Variants in BACH2 observed in about 807,000 individuals in gnomAD.
BACH2 encodes BACH transcriptional regulator 2.
A neutral mutation model predicts 61.8 loss-of-function variants in BACH2; 5 were observed. The ratio of observed to expected loss-of-function variants is 0.08; its 90% CI spans 0.04 to 0.17. The LOEUF is 0.17. BACH2 is among the 10% of genes least tolerant of loss of function. The probability of loss-of-function intolerance (pLI) is 1.00; values close to 1 mark genes in which losing one functional copy is unlikely to be tolerated. For synonymous variants in BACH2, 446 were observed against 440.1 expected, an observed-to-expected ratio of 1.01 and a Z score of -0.17; for missense variants, 824 against 1,091.1, an observed-to-expected ratio of 0.76 and a Z score of 3.45.
At chr6:90,229,240 C>T (rs1562516576) in intron 3 of BACH2, among the ~76,000 whole-genome samples, 1 of 152,224 alleles carries the variant, frequency 6.6e-6, no homozygotes, top group South Asian at 2.1e-4. Flanking sequence ...AGGCGGATGA[C>T]CTGAGGTCGG....
At chr6:90,164,629 A>T (rs1767541665) in intron 4 of BACH2, among the ~76,000 whole-genome samples, 1 of 152,212 alleles carries the variant, frequency 6.6e-6, no homozygotes, top group African/African-American at 2.4e-5. Context: ...ATTTTAGACC[A>T]ATATCCTTGA....
chr6:90,288,073 T>G (rs1209674860), intron 1 of BACH2, among the ~76,000 whole-genome samples: 1 of 152,192 alleles, frequency 6.6e-6, no homozygotes, highest in Non-Finnish European at 1.5e-5. Flanking sequence ...AGAAAATGTA[T>G]GAAAAGGAAG....
At chr6:90,049,406 C>T (rs1779932325) in intron 5 of BACH2, among the ~76,000 whole-genome samples, 2 of 152,148 alleles carry the variant, frequency 1.3e-5, no homozygotes, top group African/African-American at 4.8e-5. Flanking sequence ...ACTGAGATCT[C>T]AATGACGCGA....
rs1003204059 is a variant in BACH2, at chr6:89,932,337, A to C, written c.*71T>G. On this transcript the variant is annotated 3_prime_UTR_variant, in exon 9 of 9. Coordinates refer to ENST00000257749, the MANE Select transcript of BACH2 (RefSeq NM_021813.4). ...TCGGTTTCTTCGGGACAGCAGATGA[A>C]CAGTGCCACAGGCTGACTGAAGAAC... 1.3e-5 allele frequency: 20 copies of C among 1,553,320 alleles called. No individual in the cohort carries two copies. The highest frequency in any genetic ancestry group is 1.7e-5 in the Non-Finnish European group (19 of 1,143,768).
intron 4 of BACH2, among the ~76,000 whole-genome samples, chr6:90,183,296 A>G (rs772998592): frequency 7.9e-5 from 12 of 152,242 alleles, no homozygotes; most frequent in Non-Finnish European, 1.6e-4. Context: ...CAGATTTATC[A>G]TTATGTTTAC....
rs770893229 is a variant in BACH2 at position 90,241,368 on chromosome 6, T to A, written c.-275+11145A>T. On this transcript the variant is annotated intron_variant, in intron 3 of 8. Transcript: ENST00000257749. Reference sequence around the variant, plus strand: ...ACTGGGACCAAATCCTCCAAATGGCTCCCCCTCCCACCTACTCAACAGGGG... The same window carrying A: ...ACTGGGACCAAATCCTCCAAATGGCACCCCCTCCCACCTACTCAACAGGGG... Among the ~76,000 whole-genome samples, 31 of 151,720 alleles carry A rather than the reference T, an allele frequency of 2.0e-4. 1 individual carries two copies. The highest frequency in any genetic ancestry group is 3.5e-4 in the Non-Finnish European group (24 of 67,934).
At chr6:90,296,199 A>T (rs1772373981) in intron 1 of BACH2, among the ~76,000 whole-genome samples, 2 of 152,076 alleles carry the variant, frequency 1.3e-5, no homozygotes, top group African/African-American at 4.8e-5. Flanking sequence ...CGACGCCAGC[A>T]AAATACAATG....
intron 4 of BACH2, among the ~76,000 whole-genome samples, chr6:90,134,072 A>G (rs888297903): frequency 6.6e-6 from 1 of 152,110 alleles, no homozygotes; most frequent in Non-Finnish European, 1.5e-5. Context: ...GGATGGCTGG[A>G]TCAAATGGTA....
intron 5 of BACH2, among the ~76,000 whole-genome samples, chr6:90,040,707 A>G (rs1562392439): frequency 6.6e-6 from 1 of 152,056 alleles, no homozygotes; most frequent in Admixed American, 6.6e-5. Context: ...AAACAGTTTC[A>G]TTTATTTACA....
intron 6 of BACH2, among the ~76,000 whole-genome samples, chr6:89,958,966 AAG>A (rs1774579637): frequency 6.6e-6 from 1 of 152,152 alleles, no homozygotes; most frequent in Non-Finnish European, 1.5e-5. Context: ...TTCAGAGATT[AAG>A]AATTTCAAGT....
chr6:90,059,812 C>A (rs1455199394), intron 5 of BACH2, among the ~76,000 whole-genome samples: 4 of 151,818 alleles, frequency 2.6e-5, no homozygotes, highest in Non-Finnish European at 5.9e-5. Flanking sequence ...ATGATGAGTT[C>A]ATGTCCTTTG....
At chr6:90,123,519 C>T (rs1783717560) in intron 4 of BACH2, among the ~76,000 whole-genome samples, 1 of 150,950 alleles carries the variant, frequency 6.6e-6, no homozygotes, top group Admixed American at 6.6e-5. Context: ...GCCTGTAATC[C>T]CAGCACTTTG....
At chr6:90,040,995 A>T (rs1337236665) in intron 5 of BACH2, among the ~76,000 whole-genome samples, 1 of 152,208 alleles carries the variant, frequency 6.6e-6, no homozygotes, top group African/African-American at 2.4e-5. Flanking sequence ...CCAAGTGTGC[A>T]ATCATATCAT....
chr6:90,030,226 G>A (rs116728365), intron 5 of BACH2, among the ~76,000 whole-genome samples: 62 of 152,092 alleles, frequency 4.1e-4, no homozygotes, highest in East Asian at 9.7e-4. Flanking sequence ...CTTCCTTTCC[G>A]CAGCCCTCAG....
intron 5 of BACH2, among the ~76,000 whole-genome samples, chr6:90,078,650 A>AGTGCTGGCTTT: frequency 6.6e-6 from 1 of 152,138 alleles, no homozygotes; most frequent in African/African-American, 2.4e-5. Context: ...CATTTTGTGG[A>AGTGCTGGCTTT]GTGCTGGCTT....
At chr6:90,266,595 C>T (rs1158527174) in intron 2 of BACH2, among the ~76,000 whole-genome samples, 3 of 152,074 alleles carry the variant, frequency 2.0e-5, no homozygotes, top group African/African-American at 7.2e-5. Flanking sequence ...AGTACTGATA[C>T]ACACAACAAT....
chr6:90,181,285 G>A (rs1004947665), intron 4 of BACH2, among the ~76,000 whole-genome samples: 1 of 151,600 alleles, frequency 6.6e-6, no homozygotes, highest in African/African-American at 2.4e-5. Flanking sequence ...ACATGTTTTT[G>A]TTTTTTAAAA....
At chr6:90,174,285 A>G (rs1377262066) in intron 4 of BACH2, among the ~76,000 whole-genome samples, 1 of 152,038 alleles carries the variant, frequency 6.6e-6, no homozygotes, top group Non-Finnish European at 1.5e-5. Flanking sequence ...AGTGTTATTC[A>G]CTAGATGAAA....
At chr6:90,191,418 T>C (rs1768567505) in intron 4 of BACH2, among the ~76,000 whole-genome samples, 1 of 152,252 alleles carries the variant, frequency 6.6e-6, no homozygotes, top group African/African-American at 2.4e-5. Context: ...ATCCGCACAT[T>C]TGCAAATGGC....
Sources: gnomAD v4.1 joint callset for allele counts (sites outside exome capture counted in the v4.1 genomes callset) on GRCh38, gnomAD v4.1.1 for gene constraint, MANE v1.5 for transcripts, NCBI Gene and HGNC (gene_info 2026-07-23, HGNC 2026-07-21) for gene names.